The following RBCK1 variants were observed in gnomAD, a reference collection of about 807,000 sequenced individuals.
RBCK1 encodes ranBP-type and C3HC4-type zinc finger-containing protein 1.
Under a neutral mutation model 71.1 loss-of-function variants are expected in RBCK1, and 44 were observed. The observed-to-expected ratio is 0.62, with a 90% confidence interval of 0.49 to 0.80. The LOEUF (loss-of-function observed/expected upper bound fraction) is 0.80. Among genes scored for constraint, RBCK1 ranks in the 30% least tolerant of loss-of-function variants. RBCK1 has a pLI of 0.00. For synonymous variants in RBCK1, 306 were observed against 279.7 expected (o/e 1.09, Z -0.94); for missense variants, 569 against 685.0 (o/e 0.83, Z 1.89).
chr20:418,414 G>C (rs1028810634), intron 4 of RBCK1, among the ~76,000 whole-genome samples: 1 of 152,082 alleles, frequency 6.6e-6, no homozygotes, highest in South Asian at 2.1e-4. Context: ...TGTCGCCCAG[G>C]CTGGAGTGCA....
Position 412,374 on chromosome 20 carries a change from G to A in RBCK1, c.167+2349G>A, listed in dbSNP as rs374247283. Reference sequence around the variant, plus strand: ...CTCGCTCTGTCACCCAAGCAGGAGTGCAATGGTGCAATCTCGGCTCACTGC... The same window carrying A: ...CTCGCTCTGTCACCCAAGCAGGAGTACAATGGTGCAATCTCGGCTCACTGC... On this transcript the variant is annotated intron_variant, in intron 2 of 11. Transcript: ENST00000356286. 2.2e-4 allele frequency among the ~76,000 whole-genome samples: 33 copies of A among 151,438 alleles called. 1 individual carries two copies. The highest frequency in any genetic ancestry group is 8.0e-4 in the African/African-American group (33 of 41,200).
intron 9 of RBCK1, 23 bp downstream of exon 9, chr20:427,515 C>G (rs1568566427): frequency 6.2e-7 from 1 of 1,610,476 alleles, no homozygotes; most frequent in East Asian, 2.2e-5. Flanking sequence ...GGGACTCCCC[C>G]CACCTAGTCA....
chr20:421,175 T>G (rs1321724973), intron 7 of RBCK1, 144 bp downstream of exon 7: 1 of 1,084,418 alleles, frequency 9.2e-7, no homozygotes, highest in East Asian at 2.7e-5. Context: ...CTCCCCATGT[T>G]GCGGACGAGG....
Position 419,355 on chromosome 20 carries a change from T to C in RBCK1, c.469T>C (p.Phe157Leu). 2 of 1,612,106 alleles carry C rather than the reference T, an allele frequency of 1.2e-6. No homozygotes were observed. Among genetic ancestry groups the C allele is most frequent in the Non-Finnish European group, 1.7e-6 (2 of 1,179,812 alleles). ...RQLRMLEDLG[F>L]KDLTLQPRGP... ...TTAACCCTCCTCCACAGATCTGGGC[T>C]TCAAGGACCTCACGCTGCAGCCGCG... The change falls in exon 5 of 12, where the codon TTC becomes CTC. Residue 157 changes from phenylalanine (F) to leucine (L), a missense_variant. Around this residue, in one of 2 missense-constraint regions of RBCK1, gnomAD observed 358 missense variants for 375.6 expected, o/e 0.95. Coordinates refer to ENST00000356286, the MANE Select transcript of RBCK1 (RefSeq NM_031229.4).
intron 8 of RBCK1, among the ~76,000 whole-genome samples, chr20:426,746 C>A (rs11697821): frequency 6.6e-6 from 1 of 151,758 alleles, no homozygotes; most frequent in East Asian, 1.9e-4. Context: ...GCAACCATCA[C>A]CACCATCCAC....
rs1001816526 is a variant in RBCK1 at position 420,909 on chromosome 20, C to T, written c.795C>T (p.His265=). Residue 265 remains histidine (H), a synonymous_variant, in exon 7 of 12, where the codon CAC becomes CAT. Coordinates refer to ENST00000356286, the MANE Select transcript of RBCK1 (RefSeq NM_031229.4). ...QQQQEGNYLQ[H]VQLDQRSLVL... ...AGCAGGAGGGGAACTACCTGCAGCA[C>T]GTCCAGCTGGACCAGAGGAGCCTGG... The T allele has an allele frequency of 1.3e-5, 20 of 1,554,924 alleles. No individual in the cohort carries two copies. Among genetic ancestry groups the T allele is most frequent in the African/African-American group, 2.7e-5 (2 of 72,802 alleles).
Position 419,646 on chromosome 20 carries a change from A to G in RBCK1, c.671A>G (p.Tyr224Cys), listed in dbSNP as rs1449018693. 2 of 1,586,772 alleles carry G rather than the reference A, an allele frequency of 1.3e-6. No homozygotes were observed. Among genetic ancestry groups the G allele is most frequent in the Admixed American group, 1.8e-5 (1 of 56,708 alleles). ...EMCCRARPEAYQVPASYQPDE... is the reference protein window; with the variant it reads ...EMCCRARPEACQVPASYQPDE... ...TGCTGCCGGGCGCGCCCCGAGGCCT[A>G]CCAGGTCCCCGCCTCATACCAGCCC... The change falls in exon 6 of 12, where the codon TAC becomes TGC. Residue 224 changes from tyrosine (Y) to cysteine (C), a missense_variant. Tyr to Cys is a radical substitution (Grantham distance 194). Around this residue, in one of 2 missense-constraint regions of RBCK1, gnomAD observed 358 missense variants for 375.6 expected, o/e 0.95. Coordinates refer to ENST00000356286, the MANE Select transcript of RBCK1 (RefSeq NM_031229.4).
chr20:413,562 G>A (rs1231595682), intron 2 of RBCK1, among the ~76,000 whole-genome samples: 5 of 152,126 alleles, frequency 3.3e-5, no homozygotes, highest in African/African-American at 1.2e-4. Flanking sequence ...TTGATCCCCT[G>A]AATTAACTAA....
chr20:416,260 A>G (rs147946351), intron 2 of RBCK1, among the ~76,000 whole-genome samples: 2,705 of 148,654 alleles, frequency 0.018, 97 homozygotes, highest in African/African-American at 0.064. Context: ...GGTTCACACC[A>G]TTCTCCTGCC....
chr20:410,352 C>T (rs1334043477), intron 2 of RBCK1: 2 of 759,486 alleles, frequency 2.6e-6, no homozygotes, highest in South Asian at 1.4e-5. Context: ...GGAGGTTCTG[C>T]TCCCGACAGT....
At chr20:410,545 C>G in intron 2 of RBCK1, 1 of 779,794 alleles carries the variant, frequency 1.3e-6, no homozygotes, top group Non-Finnish European at 2.4e-6. Flanking sequence ...TCCGTTAATT[C>G]CTGTGGACCA....
chr20:416,236 C>T (rs909589734), intron 2 of RBCK1, among the ~76,000 whole-genome samples: 7 of 150,548 alleles, frequency 4.6e-5, no homozygotes, highest in South Asian at 2.1e-4. Flanking sequence ...GCTCACTGCA[C>T]GGTCCGCCTC....
chr20:425,196 A>G (rs1443961988), intron 8 of RBCK1, among the ~76,000 whole-genome samples: 1 of 152,224 alleles, frequency 6.6e-6, no homozygotes, highest in Non-Finnish European at 1.5e-5. Context: ...TTTTCAGTAC[A>G]GACGAGTTTT....
chr20:426,776 TC>T (rs1370749271), intron 8 of RBCK1, among the ~76,000 whole-genome samples: 1 of 149,960 alleles, frequency 6.7e-6, no homozygotes, highest in Non-Finnish European at 1.5e-5. Flanking sequence ...TTTTAGAAAT[TC>T]CCCCCACTTT....
chr20:423,214 G>A (rs1445842197), intron 8 of RBCK1, among the ~76,000 whole-genome samples: 6 of 151,948 alleles, frequency 3.9e-5, no homozygotes, highest in Admixed American at 3.9e-4. Flanking sequence ...CAGGGGAATC[G>A]CTTGAACCCC....
intron 2 of RBCK1, 31 bp downstream of exon 2, chr20:410,056 G>C: frequency 6.2e-7 from 1 of 1,603,288 alleles, no homozygotes; most frequent in Non-Finnish European, 8.5e-7. Flanking sequence ...CTGAACCCAA[G>C]GGACAGCAGG....
intron 4 of RBCK1, 97 bp from the exon 5 acceptor site, chr20:419,250 G>C (rs2016212487): frequency 6.5e-7 from 1 of 1,536,068 alleles, no homozygotes; most frequent in African/African-American, 1.4e-5. Flanking sequence ...GAGAGGATAG[G>C]GGGAGGGTCT....
chr20:424,094 A>G lies in RBCK1; in HGVS notation c.1029+1856A>G, dbSNP rs185357780. Among the ~76,000 whole-genome samples the G allele has an allele frequency of 1.3e-4, 20 of 152,346 alleles. No homozygotes were observed. The East Asian group carries it at 3.7e-3, about 28-fold the overall frequency. On this transcript the variant is annotated intron_variant, in intron 8 of 11. Coordinates refer to ENST00000356286, the MANE Select transcript of RBCK1 (RefSeq NM_031229.4). ...GGGAAGGGACCACCCAAAAGTGTGG[A>G]ATCGGGGAGACAGAAACAAATTGGA...
At chr20:410,407 C>T (rs1291111963) in intron 2 of RBCK1, 2 of 779,440 alleles carry the variant, frequency 2.6e-6, no homozygotes, top group Admixed American at 1.7e-5. Context: ...GCCATTCATT[C>T]CCAGATTCCT....
Sources: allele counts gnomAD v4.1 joint callset (sites outside exome capture counted in the v4.1 genomes callset), GRCh38; gene constraint gnomAD v4.1.1; regional missense constraint gnomAD v4.1.1; transcripts MANE v1.5; gene names NCBI Gene and HGNC (gene_info 2026-07-23, HGNC 2026-07-21).